Variants in EYS observed in about 807,000 individuals in gnomAD.
The protein encoded by EYS is EGF-like photoreceptor maintenance factor, also known as protein eyes shut homolog.
EYS carries 250 observed loss-of-function variants against 282.1 expected under a neutral mutation model. The observed-to-expected ratio is 0.89, with a 90% confidence interval of 0.80 to 0.98. The LOEUF (loss-of-function observed/expected upper bound fraction) is 0.98. Ranked by LOEUF, EYS falls within the 50% of genes least tolerant of loss-of-function variation. The probability of loss-of-function intolerance (pLI) is 0.00; values close to 1 mark genes in which losing one functional copy is unlikely to be tolerated. For missense variants in EYS, 4,016 were observed against 3,709.0 expected, an observed-to-expected ratio of 1.08 and a Z score of -2.15; for synonymous variants, 1,355 against 1,282.9, an observed-to-expected ratio of 1.06 and a Z score of -1.20.
chr6:65,442,919 T>C (rs114785077), intron 5 of EYS, among the ~76,000 whole-genome samples: 1 of 88,708 alleles, frequency 1.1e-5, no homozygotes, highest in Admixed American at 1.4e-4. Flanking sequence ...TGCACATACA[T>C]ATGTACATAT....
intron 13 of EYS, among the ~76,000 whole-genome samples, chr6:65,022,721 T>C (rs1772285701): frequency 6.7e-6 from 1 of 149,734 alleles, no homozygotes; most frequent in African/African-American, 2.4e-5. Context: ...ATAAATACAA[T>C]ATATGTAATA....
chr6:63,804,564 C>A (rs1770857071), intron 37 of EYS, among the ~76,000 whole-genome samples: 1 of 152,100 alleles, frequency 6.6e-6, no homozygotes, highest in East Asian at 1.9e-4. Context: ...AAAGCATGCA[C>A]CAAACCTCTG....
intron 12 of EYS, among the ~76,000 whole-genome samples, chr6:65,248,597 C>G (rs1192356654): frequency 6.6e-6 from 1 of 151,654 alleles, no homozygotes; most frequent in African/African-American, 2.4e-5. Flanking sequence ...ATTGAAATAG[C>G]AATCAAATTC....
At chr6:64,969,298 A>G (rs1270045716) in intron 14 of EYS, among the ~76,000 whole-genome samples, 1 of 152,178 alleles carries the variant, frequency 6.6e-6, no homozygotes, top group Non-Finnish European at 1.5e-5. Flanking sequence ...AAAACTTGCT[A>G]CTAGCTGGGG....
chr6:64,172,543 T>G (rs1484232498), intron 31 of EYS, among the ~76,000 whole-genome samples: 1 of 152,174 alleles, frequency 6.6e-6, no homozygotes, highest in Non-Finnish European at 1.5e-5. Flanking sequence ...AAAACATAAC[T>G]ATCTTATGAC....
intron 5 of EYS, among the ~76,000 whole-genome samples, chr6:65,469,522 C>T (rs1765129254): frequency 6.6e-6 from 1 of 151,968 alleles, no homozygotes; most frequent in Admixed American, 6.6e-5. Context: ...GATCAAAACT[C>T]AATGTATGAA....
At chr6:65,552,604 A>G (rs1336032021) in intron 2 of EYS, among the ~76,000 whole-genome samples, 1 of 152,144 alleles carries the variant, frequency 6.6e-6, no homozygotes, top group Non-Finnish European at 1.5e-5. Context: ...GCTGAAGCTG[A>G]AATTTTCAAT....
At chr6:64,163,116 T>C (rs188871188) in intron 31 of EYS, among the ~76,000 whole-genome samples, 23 of 152,172 alleles carry the variant, frequency 1.5e-4, no homozygotes, top group Admixed American at 3.9e-4. Context: ...TGGAAAGAAA[T>C]TTAGATGGGG....
chr6:64,833,582 C>T (rs930030794), intron 19 of EYS, among the ~76,000 whole-genome samples: 15 of 151,782 alleles, frequency 9.9e-5, no homozygotes, highest in Non-Finnish European at 1.9e-4. Flanking sequence ...TTTATTATTA[C>T]CTCTGAAGAT....
chr6:65,128,760 G>C (rs1581935485), intron 12 of EYS, among the ~76,000 whole-genome samples: 1 of 151,964 alleles, frequency 6.6e-6, no homozygotes, highest in East Asian at 1.9e-4. Context: ...TACAGATTCA[G>C]CATTATTTCT....
intron 2 of EYS, among the ~76,000 whole-genome samples, chr6:65,505,783 T>C (rs982887192): frequency 2.0e-5 from 3 of 152,134 alleles, no homozygotes; most frequent in Admixed American, 1.3e-4. Context: ...TTTGTCTTCA[T>C]GTGCTCAGGT....
chr6:65,374,505 T>C (rs1324433012), intron 8 of EYS, among the ~76,000 whole-genome samples: 1 of 149,908 alleles, frequency 6.7e-6, no homozygotes, highest in Non-Finnish European at 1.5e-5. Context: ...CTGCGGAGTT[T>C]TTTTTTTTTT....
chr6:65,557,634 G>A (rs1261299477), intron 2 of EYS, among the ~76,000 whole-genome samples: 1 of 152,138 alleles, frequency 6.6e-6, no homozygotes, highest in African/African-American at 2.4e-5. Flanking sequence ...TACAGTCTGG[G>A]AGTGCGTCAC....
At chr6:65,594,146 A>T (rs1192542848) in intron 2 of EYS, among the ~76,000 whole-genome samples, 1 of 151,966 alleles carries the variant, frequency 6.6e-6, no homozygotes, top group Non-Finnish European at 1.5e-5. Context: ...GATCATTATT[A>T]TTATTATTTA....
At chr6:63,970,975 G>A (rs1040186265) in intron 35 of EYS, among the ~76,000 whole-genome samples, 7 of 152,256 alleles carry the variant, frequency 4.6e-5, no homozygotes, top group East Asian at 1.9e-4. Flanking sequence ...TTTAAAGAAC[G>A]TTTGAGAAGC....
At chr6:65,469,618 T>A (rs1765133182) in intron 5 of EYS, among the ~76,000 whole-genome samples, 1 of 152,148 alleles carries the variant, frequency 6.6e-6, no homozygotes, top group South Asian at 2.1e-4. Context: ...TATTCTTCTC[T>A]GTATTTTTTA....
intron 14 of EYS, among the ~76,000 whole-genome samples, chr6:64,951,640 A>G (rs1306860573): frequency 6.6e-6 from 1 of 151,868 alleles, no homozygotes; most frequent in African/African-American, 2.4e-5. Context: ...TCCACTAGAA[A>G]ACTGAAATCT....
At chr6:64,819,626 C>T (rs9342431) in intron 21 of EYS, among the ~76,000 whole-genome samples, 14,050 of 151,530 alleles carry the variant, frequency 0.093, 869 homozygotes, top group East Asian at 0.33. Context: ...AAAAGTATCA[C>T]GAATTCTATA....
At position 65,477,049 on chromosome 6, in the gene EYS, G is replaced by A. The variant is rs559601713; in HGVS notation, c.862+13545C>T. ...GGATGATGACACTTTAATAATTATGGTATTGTGCTTTTATAGCCAGCTTCT... is the reference window on the plus strand; with the variant it reads ...GGATGATGACACTTTAATAATTATGATATTGTGCTTTTATAGCCAGCTTCT... On this transcript the variant is annotated intron_variant, in intron 5 of 42. Coordinates refer to ENST00000503581, the MANE Select transcript of EYS (RefSeq NM_001142800.2). Among the ~76,000 whole-genome samples, 5 of 152,104 alleles carry A rather than the reference G, an allele frequency of 3.3e-5. No individual in the cohort carries two copies. In the South Asian group the frequency reaches 1.0e-3, roughly 32 times the overall value.
Sources: gnomAD v4.1 joint callset for allele counts (sites outside exome capture counted in the v4.1 genomes callset) on GRCh38, gnomAD v4.1.1 for gene constraint, MANE v1.5 for transcripts, NCBI Gene and HGNC (gene_info 2026-07-23, HGNC 2026-07-21) for gene names.